The following TAB2 variants were observed in gnomAD, a reference collection of about 807,000 sequenced individuals.
The protein encoded by TAB2 is TGF-beta-activated kinase 1 and MAP3K7-binding protein 2.
In TAB2, 3 loss-of-function variants were observed where a neutral mutation model predicts 65.0. The ratio of observed to expected loss-of-function variants is 0.05; its 90% CI spans 0.02 to 0.12. The LOEUF (loss-of-function observed/expected upper bound fraction) is 0.12, where lower values mean the gene tolerates loss of function less well. Among genes scored for constraint, TAB2 ranks in the 10% least tolerant of loss-of-function variants. TAB2 has a pLI of 1.00. For synonymous variants in TAB2, 298 were observed against 285.1 expected (o/e 1.05, Z -0.46); for missense variants, 623 against 840.3 (o/e 0.74, Z 3.20).
chr6:149,339,395 C>CT (rs1324855919), intron 1 of TAB2, among the ~76,000 whole-genome samples: 1 of 151,646 alleles, frequency 6.6e-6, no homozygotes, highest in Non-Finnish European at 1.5e-5. Flanking sequence ...GAAAAAAAAT[C>CT]TAAGATATAA....
intron 1 of TAB2, among the ~76,000 whole-genome samples, chr6:149,250,767 ATCCTT>A (rs749363206): frequency 6.6e-6 from 1 of 152,322 alleles, no homozygotes; most frequent in Admixed American, 6.5e-5. Context: ...TGATGAGGCT[ATCCTT>A]TCCTTTCCTT....
In TAB2 at chr6:149,324,405, A is replaced by G. The variant is rs149361035; in HGVS notation, c.-90+6390A>G. On this transcript the variant is annotated intron_variant, in intron 1 of 6. Transcript: ENST00000637181. The stretch of plus-strand genomic sequence containing the variant: ...ATCTGAATCATTAAATAATATTATT[A>G]ATATTATTTTGAATTTTAGCTTAAA... Among the ~76,000 whole-genome samples, 1,030 of 152,252 alleles carry G rather than the reference A, an allele frequency of 6.8e-3. 10 individuals are homozygous for G. Among genetic ancestry groups the G allele is most frequent in the African/African-American group, 0.024 (980 of 41,540 alleles).
Position 149,260,677 on chromosome 6 carries a change from G to A in TAB2, c.-121+41901G>A, listed in dbSNP as rs866777338. ...AAAAATAGGCAAAACGAAATCTATGGGACGGGGGCTGGAGGGTGGCGTGGT... is the reference window on the plus strand; with the variant it reads ...AAAAATAGGCAAAACGAAATCTATGAGACGGGGGCTGGAGGGTGGCGTGGT... On this transcript the variant is annotated intron_variant, in intron 1 of 1. Transcript: ENST00000606202. 2.6e-5 allele frequency among the ~76,000 whole-genome samples: 4 copies of A among 152,208 alleles called. No homozygotes were observed. The South Asian group carries it at 8.3e-4, about 32-fold the overall frequency.
intron 1 of TAB2, among the ~76,000 whole-genome samples, chr6:149,341,507 A>G (rs1458359425): frequency 6.6e-6 from 1 of 152,164 alleles, no homozygotes; most frequent in Non-Finnish European, 1.5e-5. Flanking sequence ...AGTGCTTTAC[A>G]TACACTTTAG....
chr6:149,292,440 A>G (rs1358089266), intron 1 of TAB2, among the ~76,000 whole-genome samples: 1 of 152,222 alleles, frequency 6.6e-6, no homozygotes, highest in East Asian at 1.9e-4. Flanking sequence ...CTGTAAAGTA[A>G]CAAGTTTAAA....
chr6:149,240,329 T>C (rs1360268351), intron 1 of TAB2, among the ~76,000 whole-genome samples: 1 of 152,136 alleles, frequency 6.6e-6, no homozygotes, highest in Non-Finnish European at 1.5e-5. Context: ...AGTCATCTAG[T>C]TGGCCACCTC....
At chr6:149,318,280 G>GT (rs1779322446) in intron 1 of TAB2, among the ~76,000 whole-genome samples, 2 of 151,876 alleles carry the variant, frequency 1.3e-5, no homozygotes, top group African/African-American at 4.8e-5. Context: ...GTGCGGGGGG[G>GT]GAGGGGGAGC....
At chr6:149,338,755 T>C (rs1161809570) in intron 1 of TAB2, among the ~76,000 whole-genome samples, 2 of 152,156 alleles carry the variant, frequency 1.3e-5, no homozygotes, top group East Asian at 1.9e-4. Flanking sequence ...AATTATCGAT[T>C]GGAAAGGTGT....
intron 1 of TAB2, among the ~76,000 whole-genome samples, chr6:149,340,887 G>C (rs537443557): frequency 6.6e-6 from 1 of 152,188 alleles, no homozygotes; most frequent in East Asian, 1.9e-4. Flanking sequence ...TGTGGCTTGT[G>C]ATACTTGCTC....
intron 1 of TAB2, among the ~76,000 whole-genome samples, chr6:149,354,797 G>A (rs1432776774): frequency 6.6e-6 from 1 of 152,108 alleles, no homozygotes; most frequent in Non-Finnish European, 1.5e-5. Context: ...TCTTTTTAAT[G>A]GCTGTATAGT....
At chr6:149,318,289 G>C (rs1583083181) in intron 1 of TAB2, among the ~76,000 whole-genome samples, 1 of 151,440 alleles carries the variant, frequency 6.6e-6, no homozygotes, top group Non-Finnish European at 1.5e-5. Context: ...GGGAGGGGGA[G>C]CTTCATTGGA....
In TAB2 at chr6:149,354,845, ACTATT is replaced by A. The variant is rs535444771; in HGVS notation, c.-89-15063_-89-15059del. 5.0e-3 allele frequency among the ~76,000 whole-genome samples: 767 copies of A among 152,312 alleles called. 6 individuals are homozygous for A. The highest frequency in any genetic ancestry group is 0.018 in the African/African-American group (746 of 41,552). ...TGTGAATGACCATAGTTTACACATCACTATTAACAGATACGTAAGTAGTTTTTGGT... is the reference window on the plus strand; with the variant it reads ...TGTGAATGACCATAGTTTACACATCAAACAGATACGTAAGTAGTTTTTGGT... On this transcript the variant is annotated intron_variant, in intron 1 of 6. Transcript: ENST00000637181.
intron 1 of TAB2, among the ~76,000 whole-genome samples, chr6:149,343,813 T>A (rs1381686494): frequency 2.0e-5 from 3 of 152,166 alleles, no homozygotes; most frequent in East Asian, 3.9e-4. Flanking sequence ...TTTACCAATA[T>A]ATATAGATGT....
intron 1 of TAB2, among the ~76,000 whole-genome samples, chr6:149,301,762 CTA>C: frequency 6.6e-6 from 1 of 152,262 alleles, no homozygotes; most frequent in African/African-American, 2.4e-5. Flanking sequence ...TCAACAAACA[CTA>C]TTTACTGAAC....
At chr6:149,259,678 G>A (rs1778112520) in intron 1 of TAB2, among the ~76,000 whole-genome samples, 1 of 152,138 alleles carries the variant, frequency 6.6e-6, no homozygotes, top group Non-Finnish European at 1.5e-5. Flanking sequence ...AAAAGAGTGG[G>A]GAGAGCCTGA....
chr6:149,252,478 C>T (rs1050595853), intron 1 of TAB2, among the ~76,000 whole-genome samples: 4 of 151,286 alleles, frequency 2.6e-5, no homozygotes, highest in African/African-American at 4.9e-5. Context: ...TGAAAGGGGA[C>T]GTTGTGGTTG....
chr6:149,355,512 C>T (rs1780626203), intron 1 of TAB2, among the ~76,000 whole-genome samples: 2 of 151,752 alleles, frequency 1.3e-5, no homozygotes, highest in South Asian at 4.2e-4. Context: ...ACTAAAAATG[C>T]AAAAATTAGC....
At chr6:149,357,963 A>T (rs1157787935) in intron 1 of TAB2, among the ~76,000 whole-genome samples, 1 of 152,160 alleles carries the variant, frequency 6.6e-6, no homozygotes. Flanking sequence ...GGCCTCCCAA[A>T]GTGCCAGGAT....
intron 1 of TAB2, among the ~76,000 whole-genome samples, chr6:149,302,298 TAGAC>T (rs1014499579): frequency 6.6e-6 from 1 of 152,234 alleles, no homozygotes; most frequent in African/African-American, 2.4e-5. Flanking sequence ...ATTCTAGACT[TAGAC>T]TTACTTATAA....
Sources: allele counts gnomAD v4.1 joint callset (sites outside exome capture counted in the v4.1 genomes callset), GRCh38; gene constraint gnomAD v4.1.1; transcripts MANE v1.5; gene names NCBI Gene and HGNC (gene_info 2026-07-23, HGNC 2026-07-21).